ZNF208: variants seen among roughly 807,000 people sequenced by gnomAD.
ZNF208 encodes zinc finger protein 95.
ZNF208 carries 10 observed loss-of-function variants against 12.1 expected under a neutral mutation model. That is an observed-to-expected ratio of 0.83 (90% CI 0.51 to 1.40). The LOEUF (loss-of-function observed/expected upper bound fraction) is 1.40. Ranked by LOEUF, ZNF208 falls within the 40% of genes most tolerant of loss-of-function variation. The pLI, the probability that ZNF208 is intolerant of heterozygous loss-of-function variation, is 0.00. For synonymous variants in ZNF208, 497 were observed against 488.4 expected (o/e 1.02, Z -0.23); for missense variants, 1,652 against 1,485.0 (o/e 1.11, Z -1.85).
chr19:21,952,194 T>G (rs1254732210), intron 4 of ZNF208, among the ~76,000 whole-genome samples: 2 of 152,216 alleles, frequency 1.3e-5, no homozygotes, highest in Non-Finnish European at 2.9e-5. Context: ...GCCTACTGCC[T>G]CTATAGACTC....
At chr19:21,953,205 T>C (rs1178688646) in intron 4 of ZNF208, among the ~76,000 whole-genome samples, 1 of 152,038 alleles carries the variant, frequency 6.6e-6, no homozygotes, top group East Asian at 1.9e-4. Context: ...TACCTGAAAG[T>C]GATGGGGAGA....
At chr19:22,001,918 A>AAAAAAAAG (rs1970960157) in intron 1 of ZNF208, among the ~76,000 whole-genome samples, 2 of 137,710 alleles carry the variant, frequency 1.5e-5, no homozygotes, top group African/African-American at 2.7e-5. Flanking sequence ...AAAAAAAAAA[A>AAAAAAAAG]AAAGAAAAAA....
rs1368493944 is a variant in ZNF208 at position 21,973,615 on chromosome 19, T to C, written c.1419A>G (p.Val473=). The change falls in exon 4 of 4, where the codon GTA becomes GTG. Residue 473 remains valine, a synonymous_variant. Transcript: ENST00000397126. ...TGTAGGGTTTCTCTCCATTATGAAT[T>C]ACCTTATGTTTAGTAAGGATTGAGA... ...SMFSILTKHK[V]IHNGEKPYKC... is the part of the protein sequence containing the mutation. 1.9e-6 allele frequency: 3 copies of C among 1,613,516 alleles called. No homozygotes were observed. Among genetic ancestry groups the C allele is most frequent in the Non-Finnish European group, 2.5e-6 (3 of 1,179,776 alleles).
intron 4 of ZNF208, among the ~76,000 whole-genome samples, chr19:21,953,975 G>A (rs557628831): frequency 2.0e-5 from 3 of 152,264 alleles, no homozygotes; most frequent in Non-Finnish European, 2.9e-5. Flanking sequence ...GGCATTTAGT[G>A]CTATAAATTT....
intron 1 of ZNF208, chr19:21,998,703 T>G (rs1970885638): frequency 1.3e-5 from 2 of 152,412 alleles, no homozygotes; most frequent in Admixed American, 1.3e-4. Flanking sequence ...CCCAAAATGC[T>G]GGGATTACAG....
chr19:21,986,242 G>A (rs1970626560), intron 3 of ZNF208, among the ~76,000 whole-genome samples: 1 of 151,970 alleles, frequency 6.6e-6, no homozygotes, highest in African/African-American at 2.4e-5. Flanking sequence ...ATTGCTGTTT[G>A]TAAATCATGC....
Position 21,971,990 on chromosome 19 carries a change from T to C in ZNF208, c.3044A>G (p.Asn1015Ser), listed in dbSNP as rs371971811. The stretch of plus-strand genomic sequence containing the variant: ...GTGAATTTTCTTATGTTCCATAAGG[T>C]TTGATGACCAGTTGAAAGCTTTGCC... The part of the protein sequence containing the change: ...ECGKAFNWSS[N>S]LMEHKKIHTG... Residue 1015 changes from asparagine to serine, a missense_variant, in exon 4 of 4, where the codon AAC (asparagine) becomes AGC (serine). Around this residue, in one of 3 missense-constraint regions of ZNF208, gnomAD observed 1,239 missense variants for 1,086.2 expected, o/e 1.14. Transcript: ENST00000397126. 3 of 1,611,064 alleles carry C rather than the reference T, an allele frequency of 1.9e-6. No individual in the cohort carries two copies. In the African/African-American group the frequency reaches 4.0e-5, roughly 22 times the overall value.
At chr19:22,008,721 G>A (rs935129722) in intron 1 of ZNF208, among the ~76,000 whole-genome samples, 1 of 152,160 alleles carries the variant, frequency 6.6e-6, no homozygotes, top group African/African-American at 2.4e-5. Context: ...AGAAATGGAA[G>A]CTGCGTTGGG....
chr19:21,982,913 A>G (rs1332609616), intron 3 of ZNF208, among the ~76,000 whole-genome samples: 1 of 152,254 alleles, frequency 6.6e-6, no homozygotes, highest in East Asian at 1.9e-4. Context: ...TAAAAACCGT[A>G]GAAGAAAACC....
chr19:21,987,016 G>A (rs1167883946), intron 3 of ZNF208, 200 bp downstream of exon 3: 3 of 531,702 alleles, frequency 5.6e-6, no homozygotes, highest in Non-Finnish European at 9.6e-6. Context: ...TTACTGAAGG[G>A]AAAGAAGAAT....
In ZNF208 at chr19:21,969,943, C is replaced by T. The variant is rs550990279; in HGVS notation, c.*1248G>A. 6.6e-6 allele frequency among the ~76,000 whole-genome samples: 1 copy of T among 152,122 alleles called. No homozygotes were observed. Among genetic ancestry groups the T allele is most frequent in the South Asian group, 2.1e-4 (1 of 4,822 alleles). On this transcript the variant is annotated 3_prime_UTR_variant, in exon 4 of 4. Coordinates refer to ENST00000397126, the MANE Select transcript of ZNF208 (RefSeq NM_007153.3). ...TTTCCAGACAGTCTCTCTCTGTTGC[C>T]CAGGCTAGTGTAAATGCTTTCCTTT...
intron 1 of ZNF208, among the ~76,000 whole-genome samples, chr19:22,001,191 AG>A (rs1249993206): frequency 6.6e-6 from 1 of 152,218 alleles, no homozygotes; most frequent in Non-Finnish European, 1.5e-5. Flanking sequence ...AGGCTGAGGC[AG>A]GAGAATTGCT....
intron 4 of ZNF208, among the ~76,000 whole-genome samples, chr19:21,953,662 A>T (rs1411037080): frequency 6.6e-6 from 1 of 152,248 alleles, no homozygotes. Context: ...TGAAGGAAGC[A>T]CTAAACAGGA....
At chr19:21,964,610 T>C (rs1229294563), downstream of ZNF208, among the ~76,000 whole-genome samples, 1 of 151,796 alleles carries the variant, frequency 6.6e-6, no homozygotes, top group African/African-American at 2.4e-5. Flanking sequence ...ATTCTAACAA[T>C]GATATCTCTC....
At chr19:21,986,874 T>C (rs752864580) in intron 3 of ZNF208, 1 of 399,048 alleles carries the variant, frequency 2.5e-6, no homozygotes, top group Middle Eastern at 6.4e-4. Flanking sequence ...ACTTATAAGA[T>C]AGTTTAACAT....
chr19:21,960,963 T>C (rs1479179683), intron 4 of ZNF208, among the ~76,000 whole-genome samples: 1 of 151,920 alleles, frequency 6.6e-6, no homozygotes, highest in Non-Finnish European at 1.5e-5. Flanking sequence ...TACTTCCACT[T>C]AATAAATAGT....
intron 4 of ZNF208, chr19:21,940,436 A>C (rs1424073177): frequency 6.6e-6 from 1 of 152,158 alleles, no homozygotes; most frequent in Non-Finnish European, 1.5e-5. Flanking sequence ...TAAGTTTGTG[A>C]CCATTAAAAA....
intron 4 of ZNF208, among the ~76,000 whole-genome samples, chr19:21,954,758 AAC>A (rs1969946250): frequency 6.6e-6 from 1 of 152,206 alleles, no homozygotes; most frequent in Non-Finnish European, 1.5e-5. Flanking sequence ...TCCTGAATAC[AAC>A]ACACTGATGG....
chr19:21,958,846 A>T (rs531315228), intron 4 of ZNF208, among the ~76,000 whole-genome samples: 6 of 152,240 alleles, frequency 3.9e-5, no homozygotes, highest in Admixed American at 3.9e-4. Context: ...GAGAGGGATT[A>T]GCTAGTTAGC....
Sources: gnomAD v4.1 joint callset for allele counts (sites outside exome capture counted in the v4.1 genomes callset) on GRCh38, gnomAD v4.1.1 for gene constraint, gnomAD v4.1.1 regional missense constraint, MANE v1.5 for transcripts, NCBI Gene and HGNC (gene_info 2026-07-23, HGNC 2026-07-21) for gene names.